The following CELSR2 variants were observed in gnomAD, a reference collection of about 807,000 sequenced individuals.
CELSR2 encodes the protein EGF-like protein 2.
A neutral mutation model predicts 251.6 loss-of-function variants in CELSR2; 81 were observed. The ratio of observed to expected loss-of-function variants is 0.32; its 90% CI spans 0.27 to 0.39. The LOEUF (loss-of-function observed/expected upper bound fraction) is 0.39. CELSR2 is among the 10% of genes least tolerant of loss of function. The probability of loss-of-function intolerance (pLI) is 1.00; values close to 1 mark genes in which losing one functional copy is unlikely to be tolerated. For missense variants in CELSR2, 3,365 were observed against 3,947.7 expected (o/e 0.85, Z 3.96); for synonymous variants, 1,721 against 1,670.5 (o/e 1.03, Z -0.74).
chr1:109,263,819 G>A (rs1029026986), intron 9 of CELSR2, 42 bp downstream of exon 9: 1 of 1,598,264 alleles, frequency 6.3e-7, no homozygotes, highest in Admixed American at 1.7e-5. Context: ...TGGCCATAGG[G>A]CCCTGGTAGC....
intron 2 of CELSR2, 115 bp downstream of exon 2, chr1:109,259,194 C>T: frequency 1.1e-6 from 1 of 939,420 alleles, no homozygotes; most frequent in Non-Finnish European, 1.6e-6. Flanking sequence ...TGAGGTGCAG[C>T]TACACTGAGA....
At position 109,253,336 on chromosome 1, in the gene CELSR2, G is replaced by A. The variant is rs376717767; in HGVS notation, c.3257G>A (p.Arg1086His). The A allele has an allele frequency of 1.2e-5, 19 of 1,613,256 alleles. No individual in the cohort carries two copies. The highest frequency in any genetic ancestry group is 4.5e-5 in the East Asian group (2 of 44,904). The change falls in exon 1 of 34, where the codon CGC becomes CAC. Residue 1086 changes from arginine (R) to histidine (H), a missense_variant. By Grantham distance (29) the Arg-to-His change is conservative (BLOSUM62 0). Transcript: ENST00000271332. ...TCCACGGGTGAGCTGAAGCTAAGCC[G>A]CGCACTGGACAACAACCGGCCTCTG... ...NASTGELKLS[R>H]ALDNNRPLEA...
rs1472265343 is a variant in CELSR2, at chr1:109,269,320, GGGTATGGGTCGGGC to G, written c.6812+34_6812+47del. The G allele has an allele frequency of 3.1e-6, 5 of 1,612,208 alleles. No homozygotes were observed. Among genetic ancestry groups the G allele is most frequent in the Non-Finnish European group, 4.2e-6 (5 of 1,179,656 alleles). On this transcript the variant is annotated intron_variant, in intron 20 of 33. Coordinates refer to ENST00000271332, the MANE Select transcript of CELSR2 (RefSeq NM_001408.3). The surrounding 1 kb of genome is among the most constrained non-coding windows in gnomAD (Gnocchi z 6.4). ...GCAGCTAGGGGACAGGTGTGGGTAG[GGGTATGGGTCGGGC>G]GGTGAGTGCTGAGGCATGGAGGGGG...
At position 109,264,489 on chromosome 1, in the gene CELSR2, C is replaced by T; in HGVS notation, c.5325C>T (p.Asn1775=). 6.2e-7 allele frequency: 1 copy of T among 1,613,482 alleles called. No individual in the cohort carries two copies. The highest frequency in any genetic ancestry group is 8.5e-7 in the Non-Finnish European group (1 of 1,179,746). ...VRVSDTPEGV[N]SLDPSHGESI... is the part of the protein sequence containing the mutation. ...TGAGCGATACGCCGGAGGGGGTTAA[C>T]AGCCTGGATCCCAGCCATGGGGAGA... Residue 1775 remains asparagine (N), a synonymous_variant, in exon 11 of 34, where the codon AAC becomes AAT. Transcript: ENST00000271332.
chr1:109,272,127 A>G (rs1450872807), intron 28 of CELSR2, 151 bp from the exon 29 acceptor site: 2 of 1,073,056 alleles, frequency 1.9e-6, no homozygotes, highest in Admixed American at 2.4e-5. Flanking sequence ...CCAGGCCTCA[A>G]TATGGGGACA....
intron 11 of CELSR2, 80 bp downstream of exon 11, chr1:109,264,708 A>G (rs919233450): frequency 6.3e-7 from 1 of 1,578,472 alleles, no homozygotes; most frequent in Non-Finnish European, 8.7e-7. Flanking sequence ...GACCTGGGGC[A>G]TGGGGCATCA....
chr1:109,250,411 C>T lies in CELSR2; in HGVS notation c.332C>T (p.Pro111Leu). The T allele has an allele frequency of 6.2e-7, 1 of 1,613,636 alleles. No homozygotes were observed. The highest frequency in any genetic ancestry group is 2.2e-5 in the East Asian group (1 of 44,874). ...CTACCACCAGCTCCTGAAGGCTGCCCCTGGAGCTGTCGCCTCCTGGGCATT... is the reference window on the plus strand; with the variant it reads ...CTACCACCAGCTCCTGAAGGCTGCCTCTGGAGCTGTCGCCTCCTGGGCATT... The part of the protein sequence containing the change: ...IPLPPAPEGC[P>L]WSCRLLGIGG... Residue 111 changes from proline (P) to leucine (L), a missense_variant, in exon 1 of 34, where the codon CCC becomes CTC. By Grantham distance (98) the Pro-to-Leu change is moderately conservative (BLOSUM62 -3). Coordinates refer to ENST00000271332, the MANE Select transcript of CELSR2 (RefSeq NM_001408.3). This position sits in a 1 kb window ranked among gnomAD's most constrained non-coding sequence, Gnocchi z 4.4.
rs769186496 is a variant in CELSR2, at chr1:109,264,195, G to A, written c.5119G>A (p.Gly1707Arg). The A allele has an allele frequency of 1.5e-5, 24 of 1,612,944 alleles. No individual in the cohort carries two copies. The highest frequency in any genetic ancestry group is 2.0e-5 in the Non-Finnish European group (24 of 1,179,788). ...CTGGCACCATGCACAGCTGGCACTG[G>A]GAGCCAGCGGGGGGCCCGGCCATGC... ...GDWHHAQLALGASGGPGHAIL... is the reference protein window; with the variant it reads ...GDWHHAQLALRASGGPGHAIL... Residue 1707 changes from glycine to arginine, a missense_variant, in exon 10 of 34, where the codon GGA becomes AGA. This residue lies in a region of CELSR2 where 2,093 missense variants were observed against 2,382.8 expected (regional missense o/e 0.88). Coordinates refer to ENST00000271332, the MANE Select transcript of CELSR2 (RefSeq NM_001408.3).
At chr1:109,273,057 G>T (rs1220214270) in intron 31 of CELSR2, 30 bp downstream of exon 31, 4 of 1,598,392 alleles carry the variant, frequency 2.5e-6, no homozygotes, top group Non-Finnish European at 3.4e-6. Flanking sequence ...GTGGCCTTTG[G>T]GGCCAGTGGG....
Position 109,275,323 on chromosome 1 carries a change from G to A in CELSR2, c.*1274G>A, listed in dbSNP as rs1330113033. 1 of 152,212 alleles carries A rather than the reference G, an allele frequency of 6.6e-6. No individual in the cohort carries two copies. Among genetic ancestry groups the A allele is most frequent in the East Asian group, 1.9e-4 (1 of 5,200 alleles). 9.4% of individuals were successfully genotyped at this position (152,212 alleles called of 1,614,324 possible). Reference sequence around the variant, plus strand: ...GCTTGACGCCCTTCCCCTTGCCCCAGGCCATCATCTCCCCACCTCTCCTCC... The same window carrying A: ...GCTTGACGCCCTTCCCCTTGCCCCAAGCCATCATCTCCCCACCTCTCCTCC... On this transcript the variant is annotated 3_prime_UTR_variant, in exon 34 of 34. Transcript: ENST00000271332.
chr1:109,264,721 C>T, intron 11 of CELSR2, 93 bp downstream of exon 11: 1 of 1,573,616 alleles, frequency 6.4e-7, no homozygotes, highest in Non-Finnish European at 8.7e-7. Context: ...GGGCATCACA[C>T]CACCTCTCTG....
chr1:109,258,396 C>A (rs1296572163), intron 1 of CELSR2, 36 bp from the exon 2 acceptor site: 1 of 1,480,128 alleles, frequency 6.8e-7, no homozygotes, highest in Non-Finnish European at 9.1e-7. Flanking sequence ...TGAATTGCAG[C>A]CCCAGGCTGG....
chr1:109,256,131 T>A (rs998655649), intron 1 of CELSR2, among the ~76,000 whole-genome samples: 2 of 152,182 alleles, frequency 1.3e-5, no homozygotes, highest in Non-Finnish European at 2.9e-5. Context: ...ATACCAGGTA[T>A]ACAAGAGCTC....
chr1:109,269,653 C>T lies in CELSR2; in HGVS notation c.6981-41C>T. Reference sequence around the variant, plus strand: ...GCTGAAAGTCCAGGCCCCTGCATGCCTCACCCTCCTTGTCTCCCTGACCCT... The same window carrying T: ...GCTGAAAGTCCAGGCCCCTGCATGCTTCACCCTCCTTGTCTCCCTGACCCT... On this transcript the variant is annotated intron_variant, in intron 21 of 33. Coordinates refer to ENST00000271332, the MANE Select transcript of CELSR2 (RefSeq NM_001408.3). The surrounding 1 kb of genome is among the most constrained non-coding windows in gnomAD (Gnocchi z 6.4). 1 of 1,613,812 alleles carries T rather than the reference C, an allele frequency of 6.2e-7. No individual in the cohort carries two copies. The highest frequency in any genetic ancestry group is 1.1e-5 in the South Asian group (1 of 91,078).
At position 109,264,964 on chromosome 1, in the gene CELSR2, C is replaced by T; in HGVS notation, c.5561C>T (p.Thr1854Ile). Reference sequence around the variant, plus strand: ...AAGCCCAGTGCCCCCCATGGCTATACCTGCGAGTGTCCCCCAAATTACCTT... The same window carrying T: ...AAGCCCAGTGCCCCCCATGGCTATATCTGCGAGTGTCCCCCAAATTACCTT... ...TRKPSAPHGY[T>I]CECPPNYLGP... Residue 1854 changes from threonine (T) to isoleucine (I), a missense_variant, in exon 12 of 34, where the codon ACC becomes ATC. By Grantham distance (89) the Thr-to-Ile change is moderately conservative (BLOSUM62 -1). Around this residue, in one of 5 missense-constraint regions of CELSR2, gnomAD observed 2,093 missense variants for 2,382.8 expected, o/e 0.88. Transcript: ENST00000271332. The T allele has an allele frequency of 6.2e-7, 1 of 1,614,212 alleles. No homozygotes were observed. Among genetic ancestry groups the T allele is most frequent in the Non-Finnish European group, 8.5e-7 (1 of 1,180,038 alleles).
intron 30 of CELSR2, 29 bp from the exon 31 acceptor site, chr1:109,272,804 C>A: frequency 6.2e-7 from 1 of 1,612,812 alleles, no homozygotes; most frequent in Non-Finnish European, 8.5e-7. Flanking sequence ...GGTGGCTGGG[C>A]TGGCTGTGAT....
intron 9 of CELSR2, 96 bp from the exon 10 acceptor site, chr1:109,263,982 C>G (rs780966821): frequency 1.4e-6 from 2 of 1,463,488 alleles, no homozygotes; most frequent in Non-Finnish European, 1.8e-6. Context: ...AGCTGGGCAG[C>G]GGGATGGGTT....
chr1:109,254,567 C>A (rs568901403), intron 1 of CELSR2, among the ~76,000 whole-genome samples: 8 of 152,274 alleles, frequency 5.3e-5, no homozygotes, highest in African/African-American at 1.9e-4. Context: ...GTTAGCTGCA[C>A]CCCAGGGGTG....
At chr1:109,273,799 A>C in intron 33 of CELSR2, 129 bp downstream of exon 33, 1 of 976,224 alleles carries the variant, frequency 1.0e-6, no homozygotes, top group Non-Finnish European at 1.5e-6. Flanking sequence ...GAACTGGCCC[A>C]GCTCCCTTAC....
Sources: allele counts gnomAD v4.1 joint callset (sites outside exome capture counted in the v4.1 genomes callset), GRCh38; gene constraint gnomAD v4.1.1; regional missense constraint gnomAD v4.1.1; non-coding constraint Gnocchi (gnomAD v3.1); transcripts MANE v1.5; gene names NCBI Gene and HGNC (gene_info 2026-07-23, HGNC 2026-07-21).